Variants in DNAJA1 observed in about 807,000 individuals in gnomAD.
The protein encoded by DNAJA1 is DnaJ heat shock protein family (Hsp40) member A1, also known as dnaJ homolog subfamily A member 1.
A neutral mutation model predicts 47.6 loss-of-function variants in DNAJA1; 26 were observed. The observed-to-expected ratio is 0.55, with a 90% CI of 0.40 to 0.76. DNAJA1 has a LOEUF of 0.76. Among genes scored for constraint, DNAJA1 ranks in the 30% least tolerant of loss-of-function variants. The pLI, the probability that DNAJA1 is intolerant of heterozygous loss-of-function variation, is 0.00. For synonymous variants in DNAJA1, 165 were observed against 158.4 expected (o/e 1.04, Z -0.31); for missense variants, 315 against 485.0 (o/e 0.65, Z 3.29).
In DNAJA1 at chr9:33,030,631, C is replaced by A. The variant is rs910015688; in HGVS notation, c.607C>A (p.Arg203=). 4 of 1,613,524 alleles carry A rather than the reference C, an allele frequency of 2.5e-6. No homozygotes were observed. Among genetic ancestry groups the A allele is most frequent in the South Asian group, 1.1e-5 (1 of 90,948 alleles). ...CKSCNGRKIV[R]EKKILEVHID... is the part of the protein sequence containing the mutation. ...AAGCTGCAACGGAAGGAAGATAGTT[C>A]GAGAGAAGAAAATTTTAGAAGTTCA... is the stretch of plus-strand genomic sequence containing the variant. The change falls in exon 5 of 9, where the codon CGA becomes AGA. Residue 203 remains arginine, a synonymous_variant. Coordinates refer to ENST00000330899, the MANE Select transcript of DNAJA1 (RefSeq NM_001539.4).
At chr9:33,025,577 C>T (rs1290540399) in intron 1 of DNAJA1, among the ~76,000 whole-genome samples, 194 bp downstream of exon 1, 1 of 152,184 alleles carries the variant, frequency 6.6e-6, no homozygotes, top group African/African-American at 2.4e-5. Flanking sequence ...AGTGAATGGG[C>T]CCGAGACCTT....
chr9:33,037,375 CCA>C, intron 8 of DNAJA1: 1 of 298,514 alleles, frequency 3.3e-6, no homozygotes, highest in South Asian at 4.6e-5. Context: ...TTACATTTTT[CCA>C]CAGCAAGAAA....
In DNAJA1 at chr9:33,038,967, T is replaced by C; in HGVS notation, c.*64T>C. 1 of 1,375,662 alleles carries C rather than the reference T, an allele frequency of 7.3e-7. No homozygotes were observed. Among genetic ancestry groups the C allele is most frequent in the Non-Finnish European group, 1.0e-6 (1 of 989,944 alleles). The allele number at this position is 1,375,662 out of a possible 1,614,324, so 85.2% of individuals were successfully genotyped here. A position where few individuals can be genotyped will look rare whatever the true frequency, so the allele number is the denominator to read the frequency against. On this transcript the variant is annotated 3_prime_UTR_variant, in exon 9 of 9. Coordinates refer to ENST00000330899, the MANE Select transcript of DNAJA1 (RefSeq NM_001539.4). ...GCAGTAGTGAATGAGTGAAGGACTG[T>C]AATCATAATATGCTCACTACTTGCT...
chr9:33,026,779 A>G (rs773674011), intron 2 of DNAJA1, 34 bp from the exon 3 acceptor site: 1 of 1,600,212 alleles, frequency 6.2e-7, no homozygotes, highest in East Asian at 2.2e-5. Context: ...CTTGTTTTTT[A>G]AAAAATGAAA....
intron 3 of DNAJA1, among the ~76,000 whole-genome samples, chr9:33,029,317 A>G (rs1470974533): frequency 6.6e-6 from 1 of 152,222 alleles, no homozygotes; most frequent in Non-Finnish European, 1.5e-5. Context: ...TTGGCCTTCA[A>G]AACAACCAGT....
At chr9:33,037,213 T>G (rs1839049667) in intron 8 of DNAJA1, 98 bp downstream of exon 8, 2 of 957,022 alleles carry the variant, frequency 2.1e-6, no homozygotes, top group Non-Finnish European at 3.1e-6. Flanking sequence ...AGCTCATGCC[T>G]GTAATCCCCG....
chr9:33,029,846 A>G, intron 3 of DNAJA1, 39 bp from the exon 4 acceptor site: 1 of 1,524,980 alleles, frequency 6.6e-7, no homozygotes, highest in African/African-American at 1.4e-5. Flanking sequence ...AAGATCCAGC[A>G]TCTTAAACAG....
intron 5 of DNAJA1, 51 bp from the exon 6 acceptor site, chr9:33,034,165 G>C: frequency 7.9e-7 from 1 of 1,270,930 alleles, no homozygotes; most frequent in South Asian, 1.4e-5. Flanking sequence ...TTATGATTCT[G>C]ACCTTAGTTG....
At chr9:33,029,254 T>C (rs1443129942) in intron 3 of DNAJA1, among the ~76,000 whole-genome samples, 1 of 151,160 alleles carries the variant, frequency 6.6e-6, no homozygotes, top group African/African-American at 2.4e-5. Flanking sequence ...ATAAAACATT[T>C]ATCACTGCAG....
intron 7 of DNAJA1, 42 bp from the exon 8 acceptor site, chr9:33,036,973 T>C: frequency 6.5e-7 from 1 of 1,545,926 alleles, no homozygotes; most frequent in Non-Finnish European, 8.9e-7. Context: ...CTCATAAAAA[T>C]GTGACCATAC....
chr9:33,036,745 C>T (rs1839041627), intron 7 of DNAJA1, 56 bp downstream of exon 7: 8 of 1,326,456 alleles, frequency 6.0e-6, no homozygotes, highest in East Asian at 4.7e-5. Flanking sequence ...TTTTCCTTGT[C>T]TCCTGTTAAC....
intron 6 of DNAJA1, 79 bp downstream of exon 6, chr9:33,034,409 T>C: frequency 9.3e-7 from 1 of 1,075,918 alleles, no homozygotes; most frequent in Non-Finnish European, 1.4e-6. Flanking sequence ...TTTGTTTTTT[T>C]TAAAGTGTTT....
chr9:33,038,562 G>C lies in DNAJA1; in HGVS notation c.976-123G>C, dbSNP rs117027858. The C allele has an allele frequency of 6.0e-3, 5,055 of 844,994 alleles. 48 individuals are homozygous for C. Among genetic ancestry groups the C allele is most frequent in the South Asian group, 0.028 (1,569 of 56,162 alleles). 52.3% of individuals were successfully genotyped at this position (844,994 alleles called of 1,614,324 possible). A position where few individuals can be genotyped will look rare whatever the true frequency, so the allele number is the denominator to read the frequency against. ...GCCTTTTTAGAGCCTGTTCTAACCT[G>C]AGATTGGCAGATTCACCTAAATATT... On this transcript the variant is annotated intron_variant, in intron 8 of 8. Transcript: ENST00000330899.
At chr9:33,036,503 AAAC>A (rs1839034898) in intron 6 of DNAJA1, 68 bp from the exon 7 acceptor site, 5 of 1,008,724 alleles carry the variant, frequency 5.0e-6, no homozygotes, top group Non-Finnish European at 7.3e-6. Flanking sequence ...TTAAACAAAA[AAAC>A]AGCCTGCTTT....
At chr9:33,030,205 T>G (rs1041277255) in intron 4 of DNAJA1, among the ~76,000 whole-genome samples, 5 of 151,886 alleles carry the variant, frequency 3.3e-5, no homozygotes, top group African/African-American at 9.7e-5. Flanking sequence ...TTAAATACAG[T>G]TGGGATCAAG....
chr9:33,026,727 G>T, intron 2 of DNAJA1, 86 bp from the exon 3 acceptor site: 8 of 1,569,600 alleles, frequency 5.1e-6, no homozygotes, highest in Non-Finnish European at 6.9e-6. Flanking sequence ...ATCACTTCTC[G>T]GCCTTTTTAG....
chr9:33,035,525 G>A (rs1007085243), intron 6 of DNAJA1, among the ~76,000 whole-genome samples: 4 of 151,866 alleles, frequency 2.6e-5, no homozygotes, highest in African/African-American at 4.8e-5. Flanking sequence ...GCTGGATTGC[G>A]ATGGTGAGAT....
At position 33,036,648 on chromosome 9, in the gene DNAJA1, C is replaced by T; in HGVS notation, c.833C>T (p.Ser278Phe). 1.2e-6 allele frequency: 2 copies of T among 1,614,088 alleles called. No individual in the cohort carries two copies. The highest frequency in any genetic ancestry group is 1.7e-6 in the Non-Finnish European group (2 of 1,179,982). Residue 278 changes from serine (S) to phenylalanine (F), a missense_variant, in exon 7 of 9, where the codon TCT (serine) becomes TTT (phenylalanine). Around this residue, in one of 4 missense-constraint regions of DNAJA1, gnomAD observed 162 missense variants for 185.4 expected, o/e 0.87. Transcript: ENST00000330899. The part of the protein sequence containing the change: ...EALCGFQKPI[S>F]TLDNRTIVIT... Reference sequence around the variant, plus strand: ...CTGTGTGGCTTCCAGAAGCCAATATCTACTCTTGACAACCGAACCATCGTC... The same window carrying T: ...CTGTGTGGCTTCCAGAAGCCAATATTTACTCTTGACAACCGAACCATCGTC...
rs1049230870 is a variant in DNAJA1 at position 33,039,479 on chromosome 9, A to G, written c.*576A>G. On this transcript the variant is annotated 3_prime_UTR_variant, in exon 9 of 9. Coordinates refer to ENST00000330899, the MANE Select transcript of DNAJA1 (RefSeq NM_001539.4). ...TTCTGTAGGAGGGGTTTATCATAAT[A>G]TGCTGCTTCTTGAAGGCTTGCACTT... The G allele has an allele frequency of 1.3e-5, 2 of 149,522 alleles. No homozygotes were observed. Among genetic ancestry groups the G allele is most frequent in the African/African-American group, 2.4e-5 (1 of 40,880 alleles). 9.3% of individuals were successfully genotyped at this position (149,522 alleles called of 1,614,324 possible).
Sources: gnomAD v4.1 joint callset for allele counts (sites outside exome capture counted in the v4.1 genomes callset) on GRCh38, gnomAD v4.1.1 for gene constraint, gnomAD v4.1.1 regional missense constraint, MANE v1.5 for transcripts, NCBI Gene and HGNC (gene_info 2026-07-23, HGNC 2026-07-21) for gene names.